The following SPTBN1 variants were observed in gnomAD, a reference collection of about 807,000 sequenced individuals.
SPTBN1 encodes the protein spectrin beta, non-erythrocytic 1.
Under a neutral mutation model 266.4 loss-of-function variants are expected in SPTBN1, and 32 were observed. That is an observed-to-expected ratio of 0.12 (90% CI 0.09 to 0.16). The LOEUF (loss-of-function observed/expected upper bound fraction) is 0.16. SPTBN1 is among the 10% of genes least tolerant of loss of function. The pLI is 1.00. For synonymous variants in SPTBN1, 1,336 were observed against 1,162.2 expected (o/e 1.15, Z -3.04); for missense variants, 2,296 against 3,067.1 (o/e 0.75, Z 5.94).
At chr2:54,596,080 C>T (rs1280711102) in intron 2 of SPTBN1, among the ~76,000 whole-genome samples, 1 of 152,170 alleles carries the variant, frequency 6.6e-6, no homozygotes, top group Non-Finnish European at 1.5e-5. Flanking sequence ...TGGAAGTCGG[C>T]TCACTGCCCT....
At chr2:54,560,037 T>C (rs1406147032) in intron 2 of SPTBN1, among the ~76,000 whole-genome samples, 1 of 152,196 alleles carries the variant, frequency 6.6e-6, no homozygotes, top group Admixed American at 6.5e-5. Context: ...CACATTCCTC[T>C]GGCAGTTAGC....
Position 54,485,835 on chromosome 2 carries a change from G to A in SPTBN1, c.-48+29317G>A, listed in dbSNP as rs560628225. Among the ~76,000 whole-genome samples the A allele has an allele frequency of 2.0e-5, 3 of 149,722 alleles. No individual in the cohort carries two copies. The East Asian group carries it at 6.0e-4, about 30-fold the overall frequency. On this transcript the variant is annotated intron_variant, in intron 1 of 35. Transcript: ENST00000356805. ...CGTCTGAGATGTGGGGAGCGCCTCT[G>A]CCCCGCCGCCCTGTCTGGGATGTGA...
Position 54,502,480 on chromosome 2 carries a change from T to C in SPTBN1, c.-47-23892T>C, listed in dbSNP as rs140011442. Reference sequence around the variant, plus strand: ...TTTCCGGCAACAGAGGAAGATACCTTCTGCCATTTAGAGAAGAGAAATAAA... The same window carrying C: ...TTTCCGGCAACAGAGGAAGATACCTCCTGCCATTTAGAGAAGAGAAATAAA... On this transcript the variant is annotated intron_variant, in intron 1 of 35. Transcript: ENST00000356805. Among the ~76,000 whole-genome samples the C allele has an allele frequency of 1.5e-3, 234 of 152,326 alleles. 2 individuals carry two copies. The highest frequency in any genetic ancestry group is 2.4e-3 in the Non-Finnish European group (165 of 68,028).
rs193157614 is a variant in SPTBN1 at position 54,664,225 on chromosome 2, T to C, written c.6421-228T>C. On this transcript the variant is annotated intron_variant, in intron 32 of 35. Coordinates refer to ENST00000356805, the MANE Select transcript of SPTBN1 (RefSeq NM_003128.3). The surrounding 1 kb of genome is among the most constrained non-coding windows in gnomAD (Gnocchi z 5.6). Reference sequence around the variant, plus strand: ...GAATAGAGTGCAGTAAAACTCATACTGGCATTTCGCTTTTCTCATTTCCCT... The same window carrying C: ...GAATAGAGTGCAGTAAAACTCATACCGGCATTTCGCTTTTCTCATTTCCCT... 1.0e-4 allele frequency: 54 copies of C among 524,826 alleles called. No homozygotes were observed. The Admixed American group carries it at 1.5e-3, about 14-fold the overall frequency. 32.5% of individuals were successfully genotyped at this position (524,826 alleles called of 1,614,324 possible).
At chr2:54,480,646 A>T (rs995629962) in intron 1 of SPTBN1, among the ~76,000 whole-genome samples, 2 of 152,220 alleles carry the variant, frequency 1.3e-5, no homozygotes, top group East Asian at 1.9e-4. Context: ...TTAATTTTTT[A>T]AAAAATCCAT....
chr2:54,496,439 T>TAAAA (rs10623542), intron 1 of SPTBN1, among the ~76,000 whole-genome samples: 8 of 126,376 alleles, frequency 6.3e-5, no homozygotes, highest in Non-Finnish European at 9.7e-5. Flanking sequence ...CTCCGTGTCT[T>TAAAA]AAAAAAAAAA....
chr2:54,519,413 C>T (rs886177779), intron 1 of SPTBN1, among the ~76,000 whole-genome samples: 1 of 152,072 alleles, frequency 6.6e-6, no homozygotes, highest in South Asian at 2.1e-4. Flanking sequence ...TAATTCAGAC[C>T]AGGTGGTGGT....
At chr2:54,480,375 AAAG>A (rs1558763058) in intron 1 of SPTBN1, among the ~76,000 whole-genome samples, 1 of 152,250 alleles carries the variant, frequency 6.6e-6, no homozygotes, top group African/African-American at 2.4e-5. Flanking sequence ...ATCAAACAAA[AAAG>A]AAGCCAGAAT....
chr2:54,543,743 C>A (rs1447828396), intron 2 of SPTBN1, among the ~76,000 whole-genome samples: 2 of 151,964 alleles, frequency 1.3e-5, no homozygotes, highest in African/African-American at 4.8e-5. Context: ...TGGAAAAATA[C>A]AATAAAAATA....
rs1263633159 is a variant in SPTBN1 at position 54,671,236 on chromosome 2, G to T, written c.*2667G>T. 1.9e-5 allele frequency: 3 copies of T among 155,096 alleles called. No homozygotes were observed. Among genetic ancestry groups the T allele is most frequent in the Non-Finnish European group, 4.3e-5 (3 of 70,156 alleles). The allele number at this position is 155,096 out of a possible 1,614,324, so 9.6% of individuals were successfully genotyped here. On this transcript the variant is annotated 3_prime_UTR_variant, in exon 36 of 36. Transcript: ENST00000356805. The stretch of plus-strand genomic sequence containing the variant: ...CCGGAACTGGCTGTGGTTTTTTTGG[G>T]TGTACCGAGAGTGCCAGTGACTGTG...
chr2:54,501,250 C>G (rs1430892375), intron 1 of SPTBN1, among the ~76,000 whole-genome samples: 1 of 152,304 alleles, frequency 6.6e-6, no homozygotes, highest in African/African-American at 2.4e-5. Flanking sequence ...ACATGAGCTA[C>G]CAGAGGCATG....
chr2:54,595,033 C>A (rs1675971750), intron 2 of SPTBN1, among the ~76,000 whole-genome samples: 1 of 152,154 alleles, frequency 6.6e-6, no homozygotes, highest in East Asian at 1.9e-4. Context: ...AGAGTTTCAC[C>A]ATGTTGGTCA....
At chr2:54,658,510 A>G (rs1225403587) in intron 30 of SPTBN1, among the ~76,000 whole-genome samples, 1 of 152,154 alleles carries the variant, frequency 6.6e-6, no homozygotes, top group African/African-American at 2.4e-5. Flanking sequence ...GGATTTGTGC[A>G]CTGGTGTTTC....
intron 1 of SPTBN1, among the ~76,000 whole-genome samples, chr2:54,487,722 C>T (rs938843709): frequency 1.3e-5 from 2 of 150,698 alleles, no homozygotes; most frequent in African/African-American, 2.4e-5. Flanking sequence ...ATTAGGATGT[C>T]GCAGTATCTT....
intron 2 of SPTBN1, among the ~76,000 whole-genome samples, chr2:54,536,526 C>T (rs927339042): frequency 1.3e-5 from 2 of 152,214 alleles, no homozygotes; most frequent in Admixed American, 1.3e-4. Flanking sequence ...ATAAATTCAC[C>T]AGTAGTTTGA....
Position 54,645,168 on chromosome 2 carries a change from A to C in SPTBN1, c.4270-61A>C. ...AGTCCCAGGCCCAGCAGTTCTGCTT[A>C]GAGCCAGTCACTGCAAAAGATAGTC... On this transcript the variant is annotated intron_variant, in intron 20 of 35. Transcript: ENST00000356805. This position sits in a 1 kb window ranked among gnomAD's most constrained non-coding sequence, Gnocchi z 4.3. The C allele has an allele frequency of 5.1e-6, 8 of 1,575,170 alleles. No individual in the cohort carries two copies. The highest frequency in any genetic ancestry group is 7.0e-6 in the Non-Finnish European group (8 of 1,147,752).
chr2:54,617,002 G>A (rs1190355079), intron 5 of SPTBN1, among the ~76,000 whole-genome samples: 1 of 152,132 alleles, frequency 6.6e-6, no homozygotes, highest in Non-Finnish European at 1.5e-5. Context: ...AGAGCTTATG[G>A]CCTAATAAAA....
At position 54,456,930 on chromosome 2, in the gene SPTBN1, G is replaced by GAGCGGACAGCGGAC. The variant is rs145364614; in HGVS notation, c.-48+416_-48+429dup. Among the ~76,000 whole-genome samples the GAGCGGACAGCGGAC allele has an allele frequency of 2.2e-3, 328 of 150,498 alleles. 1 individual carries two copies. The highest frequency in any genetic ancestry group is 3.1e-3 in the Non-Finnish European group (205 of 67,208). On this transcript the variant is annotated intron_variant, in intron 1 of 35. Coordinates refer to ENST00000356805, the MANE Select transcript of SPTBN1 (RefSeq NM_003128.3). ...GGCCCCTGGCGCGGAGGTGGGTGCG[G>GAGCGGACAGCGGAC]AGCGGACAGCGGACAGCCGGAGGGT...
At chr2:54,464,878 G>A (rs1573202435) in intron 1 of SPTBN1, among the ~76,000 whole-genome samples, 1 of 152,068 alleles carries the variant, frequency 6.6e-6, no homozygotes, top group Non-Finnish European at 1.5e-5. Flanking sequence ...TTTTTATAGA[G>A]ACGAGGTTTC....
Sources: allele counts gnomAD v4.1 joint callset (sites outside exome capture counted in the v4.1 genomes callset), GRCh38; gene constraint gnomAD v4.1.1; non-coding constraint Gnocchi (gnomAD v3.1); transcripts MANE v1.5; gene names NCBI Gene and HGNC (gene_info 2026-07-23, HGNC 2026-07-21).